DMD: variants seen among roughly 807,000 people sequenced by gnomAD.
The protein encoded by DMD is mutant dystrophin.
A neutral mutation model predicts 330.1 loss-of-function variants in DMD; 63 were observed. The observed-to-expected ratio is 0.19, with a 90% CI of 0.16 to 0.24. The LOEUF is 0.24. DMD is among the 10% of genes least tolerant of loss of function. The pLI is 1.00. For missense variants in DMD, 3,344 were observed against 2,684.1 expected, an observed-to-expected ratio of 1.25 and a Z score of -5.43; for synonymous variants, 1,223 against 959.8, an observed-to-expected ratio of 1.27 and a Z score of -5.07.
intron 2 of DMD, among the ~76,000 whole-genome samples, chrX:32,856,623 C>G (rs998335110): frequency 9.0e-6 from 1 of 111,681 alleles, no homozygotes; most frequent in Admixed American, 9.5e-5. Flanking sequence ...CAATTGAACT[C>G]ATGGAGACAG....
At chrX:31,562,396 TC>T (rs2075246764) in intron 55 of DMD, among the ~76,000 whole-genome samples, 1 of 112,157 alleles carries the variant, frequency 8.9e-6, no homozygotes. Flanking sequence ...CACATTTCTT[TC>T]CTCAAAGACC....
At chrX:33,131,857 G>T (rs2095501463) in intron 1 of DMD, among the ~76,000 whole-genome samples, 1 of 111,911 alleles carries the variant, frequency 8.9e-6, no homozygotes, top group African/African-American at 3.3e-5. Flanking sequence ...CTATTACTTT[G>T]TCAGTACTTC....
intron 47 of DMD, among the ~76,000 whole-genome samples, chrX:31,921,192 A>G (rs2149931055): frequency 9.0e-6 from 1 of 111,428 alleles, no homozygotes; most frequent in Admixed American, 9.6e-5. Flanking sequence ...CAATAGATTG[A>G]TAAAAACGAT....
At chrX:31,375,793 A>G (rs113246979) in intron 60 of DMD, among the ~76,000 whole-genome samples, 1,154 of 112,055 alleles carry the variant, frequency 0.01, 13 homozygotes, top group African/African-American at 0.036. Flanking sequence ...ACATGACAAC[A>G]TGAATATACT....
At chrX:32,917,005 C>T (rs1225853423) in intron 2 of DMD, among the ~76,000 whole-genome samples, 1 of 111,516 alleles carries the variant, frequency 9.0e-6, no homozygotes, top group Non-Finnish European at 1.9e-5. Context: ...GGCTCTGTGT[C>T]CCCACCCAAA....
intron 27 of DMD, among the ~76,000 whole-genome samples, chrX:32,445,178 G>A (rs910726795): frequency 4.5e-5 from 5 of 111,170 alleles, no homozygotes; most frequent in Non-Finnish European, 7.6e-5. Flanking sequence ...TTTTTGGGGG[G>A]TTCAAAGCTC....
rs1286647599 is a variant in DMD, at chrX:32,501,853, A to T, written c.2293-11T>A. ...TTCTCGCTCTATGGCCTGCAGCATG[A>T]GAGCAAAGATGAGTAATTCAATACA... On this transcript the variant is annotated splice_polypyrimidine_tract_variant and intron_variant, in intron 18 of 78. Transcript: ENST00000357033. 1 of 1,165,987 alleles carries T rather than the reference A, an allele frequency of 8.6e-7. No homozygotes were observed. Among genetic ancestry groups the T allele is most frequent in the Non-Finnish European group, 1.2e-6 (1 of 858,718 alleles).
At chrX:32,356,633 C>T (rs1044570637) in intron 37 of DMD, among the ~76,000 whole-genome samples, 4 of 76,724 alleles carry the variant, frequency 5.2e-5, no homozygotes, top group Non-Finnish European at 1.2e-4. Context: ...AATAATTTCA[C>T]TTTTTTCTGG....
intron 76 of DMD, among the ~76,000 whole-genome samples, chrX:31,140,352 A>G (rs779128095): frequency 8.9e-6 from 1 of 112,221 alleles, no homozygotes; most frequent in African/African-American, 3.2e-5. Flanking sequence ...ACAAGAAATT[A>G]TTTTTTCTCA....
chrX:31,922,372 AG>A (rs2094702489), intron 47 of DMD, among the ~76,000 whole-genome samples: 1 of 111,248 alleles, frequency 9.0e-6, no homozygotes, highest in African/African-American at 3.3e-5. Context: ...AACAGGTGAA[AG>A]CGAGTGTTTT....
chrX:31,947,323 G>C (rs1355812783), intron 45 of DMD, among the ~76,000 whole-genome samples: 1 of 111,621 alleles, frequency 9.0e-6, no homozygotes, highest in Non-Finnish European at 1.9e-5. Flanking sequence ...ATGGAATGTT[G>C]CTATGTGCCC....
At chrX:32,591,041 G>A (rs1052415008) in intron 13 of DMD, among the ~76,000 whole-genome samples, 19 of 110,808 alleles carry the variant, frequency 1.7e-4, no homozygotes, top group African/African-American at 5.9e-4. Context: ...ATCAAAATAC[G>A]ATATGATAGT....
At chrX:32,115,545 C>G (rs2096607190) in intron 44 of DMD, among the ~76,000 whole-genome samples, 1 of 111,464 alleles carries the variant, frequency 9.0e-6, no homozygotes, top group South Asian at 3.8e-4. Context: ...GTCCGGCCAA[C>G]TCTTACGTTA....
chrX:32,729,948 G>A lies in DMD; in HGVS notation c.650-30655C>T, dbSNP rs771529710. Among the ~76,000 whole-genome samples the A allele has an allele frequency of 3.6e-5, 4 of 111,873 alleles. No individual in the cohort carries two copies. In the South Asian group the frequency reaches 1.5e-3, roughly 42 times the overall value. On this transcript the variant is annotated intron_variant, in intron 7 of 78. Transcript: ENST00000357033. ...TCTGCTCTATATGACCATGGTCCAG[G>A]AGGTATACTTAAGAGTTGGTTAAAT...
chrX:31,340,305 T>C (rs1156871730), intron 61 of DMD, among the ~76,000 whole-genome samples: 2 of 112,491 alleles, frequency 1.8e-5, no homozygotes, highest in Admixed American at 9.4e-5. Context: ...TCAGAATAAA[T>C]AGTAAAAAGG....
chrX:32,439,015 C>G (rs1337828624), intron 28 of DMD, among the ~76,000 whole-genome samples: 4 of 111,232 alleles, frequency 3.6e-5, no homozygotes, highest in African/African-American at 1.3e-4. Context: ...TACGTACATC[C>G]CAATAATACC....
chrX:32,044,951 C>G lies in DMD; in HGVS notation c.6439-76437G>C, dbSNP rs904157427. The stretch of plus-strand genomic sequence containing the variant: ...TATAGTTTGGATATTTGCCGCCACT[C>G]AAATCTCAAGTGGAAATATAATTCC... On this transcript the variant is annotated intron_variant, in intron 44 of 78. Coordinates refer to ENST00000357033, the MANE Select transcript of DMD (RefSeq NM_004006.3). Among the ~76,000 whole-genome samples, 14 of 111,798 alleles carry G rather than the reference C, an allele frequency of 1.3e-4. No individual in the cohort carries two copies. In the South Asian group the frequency reaches 1.9e-3, roughly 15 times the overall value.
chrX:33,013,819 A>ATG (rs141894778), intron 2 of DMD, among the ~76,000 whole-genome samples: 48,346 of 108,943 alleles, frequency 0.44, 8,026 homozygotes, highest in South Asian at 0.57. Context: ...GTGTATATGT[A>ATG]TGTGTGTGTG....
intron 59 of DMD, among the ~76,000 whole-genome samples, chrX:31,471,962 G>C (rs1229148231): frequency 9.0e-6 from 1 of 111,487 alleles, no homozygotes; most frequent in African/African-American, 3.3e-5. Flanking sequence ...ATAAAACCCT[G>C]GTTACTCCAA....
Sources: allele counts gnomAD v4.1 joint callset (sites outside exome capture counted in the v4.1 genomes callset), GRCh38; gene constraint gnomAD v4.1.1; transcripts MANE v1.5; gene names NCBI Gene and HGNC (gene_info 2026-07-23, HGNC 2026-07-21).